Variants in DNMBP observed in about 807,000 individuals in gnomAD.
DNMBP encodes dynamin binding protein.
DNMBP carries 87 observed loss-of-function variants against 150.0 expected under a neutral mutation model. The observed-to-expected ratio is 0.58, with a 90% CI of 0.49 to 0.69. DNMBP has a LOEUF of 0.69. Ranked by LOEUF, DNMBP falls within the 30% of genes least tolerant of loss-of-function variation. The probability of loss-of-function intolerance (pLI) is 0.00; values close to 1 mark genes in which losing one functional copy is unlikely to be tolerated. For missense variants in DNMBP, 1,774 were observed against 1,949.0 expected (o/e 0.91, Z 1.69); for synonymous variants, 711 against 750.4 (o/e 0.95, Z 0.86).
chr10:99,972,721 C>A lies in DNMBP; in HGVS notation c.-10-587G>T, dbSNP rs551317966. ...CAGCTCCTGGGCTCAAGTGATCCTC[C>A]TACCTCAGCTTTCTGAGTAGCTGGA... On this transcript the variant is annotated intron_variant, in intron 1 of 16. Coordinates refer to ENST00000324109, the MANE Select transcript of DNMBP (RefSeq NM_015221.4). 1.9e-4 allele frequency among the ~76,000 whole-genome samples: 29 copies of A among 152,336 alleles called. No individual in the cohort carries two copies. The South Asian group carries it at 5.8e-3, about 30-fold the overall frequency.
intron 4 of DNMBP, chr10:99,930,862 G>T: frequency 1.7e-6 from 1 of 580,948 alleles, no homozygotes; most frequent in Non-Finnish European, 3.0e-6. Context: ...GATTTGTCCT[G>T]CTTAAAATGT....
At chr10:100,002,822 C>T (rs576422625) in intron 1 of DNMBP, among the ~76,000 whole-genome samples, 1 of 152,012 alleles carries the variant, frequency 6.6e-6, no homozygotes, top group Non-Finnish European at 1.5e-5. Flanking sequence ...AGGCTTAATA[C>T]CTATTTATGA....
At chr10:99,935,067 A>G (rs1238432801) in intron 4 of DNMBP, among the ~76,000 whole-genome samples, 3 of 107,270 alleles carry the variant, frequency 2.8e-5, no homozygotes, top group African/African-American at 1.1e-4. Flanking sequence ...CCTTGGTGAT[A>G]GGGTGAGACC....
intron 6 of DNMBP, among the ~76,000 whole-genome samples, chr10:99,902,684 T>A (rs2039763030): frequency 6.6e-6 from 1 of 150,652 alleles, no homozygotes; most frequent in Admixed American, 6.6e-5. Flanking sequence ...TCCCAGCAAT[T>A]TGGGAGGCCA....
At chr10:99,926,792 G>A (rs1180494328) in intron 4 of DNMBP, among the ~76,000 whole-genome samples, 1 of 152,150 alleles carries the variant, frequency 6.6e-6, no homozygotes, top group Non-Finnish European at 1.5e-5. Flanking sequence ...GTGGAAAGCT[G>A]GAGGCCAGAA....
intron 3 of DNMBP, among the ~76,000 whole-genome samples, chr10:99,965,201 T>C (rs1441442721): frequency 6.6e-6 from 1 of 152,040 alleles, no homozygotes; most frequent in Non-Finnish European, 1.5e-5. Flanking sequence ...CACCCTGAGG[T>C]AGGTATTATA....
intron 4 of DNMBP, among the ~76,000 whole-genome samples, chr10:99,912,626 G>A (rs1055913018): frequency 3.9e-5 from 6 of 152,156 alleles, no homozygotes; most frequent in Admixed American, 3.9e-4. Flanking sequence ...TTCAGATTCA[G>A]CAAACCTGGG....
chr10:99,976,051 C>G (rs1311738073), intron 1 of DNMBP, among the ~76,000 whole-genome samples: 1 of 152,116 alleles, frequency 6.6e-6, no homozygotes, highest in Non-Finnish European at 1.5e-5. Flanking sequence ...AATGGGAACC[C>G]AAATCTGTCT....
chr10:99,922,512 T>G lies in DNMBP; in HGVS notation c.2261-13366A>C, dbSNP rs12251647. Among the ~76,000 whole-genome samples the G allele has an allele frequency of 5.4e-3, 542 of 100,350 alleles. 6 individuals are homozygous for G. Among genetic ancestry groups the G allele is most frequent in the African/African-American group, 0.02 (498 of 24,966 alleles). 65.8% of individuals were successfully genotyped at this position (100,350 alleles called of 152,430 possible). ...AACCTAGCTGCTGCTGTTTTTTTTT[T>G]TTTTTTTTTTTTCTTAAAAAAAAAA... On this transcript the variant is annotated intron_variant, in intron 4 of 16. Transcript: ENST00000324109.
At chr10:99,943,380 TTTTG>T (rs150436660) in intron 4 of DNMBP, among the ~76,000 whole-genome samples, 69,041 of 150,972 alleles carry the variant, frequency 0.46, 16,526 homozygotes, top group African/African-American at 0.6. Context: ...GTGTGTGGTT[TTTTG>T]TTTGTTTGTT....
chr10:99,892,876 C>T (rs1406682945), intron 11 of DNMBP, among the ~76,000 whole-genome samples: 2 of 152,132 alleles, frequency 1.3e-5, no homozygotes, highest in Non-Finnish European at 2.9e-5. Context: ...AACTCTTAAG[C>T]GGAGAAAACA....
At chr10:100,008,822 C>T (rs1390805925) in intron 1 of DNMBP, among the ~76,000 whole-genome samples, 1 of 152,140 alleles carries the variant, frequency 6.6e-6, no homozygotes. Flanking sequence ...GAAATGATCC[C>T]CGAATGCTGT....
rs1341019017 is a variant in DNMBP at position 99,894,978 on chromosome 10, G to A, written c.3124C>T (p.Arg1042Ter). ...TGCTGGAGGTAGAGAGACAGGTCTC[G>A]GATAAAAGACTTAATCAATCTTTCT... ...MQERLIKSFI[R>*]DLSLYLQHIR... The change falls in exon 11 of 17, where the codon CGA becomes TGA. Residue 1042 changes from arginine (R) to a stop codon, truncating the protein, a stop_gained. Coordinates refer to ENST00000324109, the MANE Select transcript of DNMBP (RefSeq NM_015221.4). LOFTEE classifies it high-confidence loss of function. 6.2e-6 allele frequency: 10 copies of A among 1,613,790 alleles called. No individual in the cohort carries two copies. The highest frequency in any genetic ancestry group is 1.6e-4 in the Middle Eastern group (1 of 6,084).
chr10:99,920,040 G>A (rs1388847607), intron 4 of DNMBP, among the ~76,000 whole-genome samples: 2 of 151,832 alleles, frequency 1.3e-5, no homozygotes, highest in Non-Finnish European at 2.9e-5. Context: ...ATTTAAAAGG[G>A]TGAACCTAAT....
chr10:99,894,910 G>A (rs764679886), intron 11 of DNMBP, 36 bp downstream of exon 11: 14 of 1,452,344 alleles, frequency 9.6e-6, no homozygotes, highest in Middle Eastern at 1.7e-4. Flanking sequence ...GAATTACATC[G>A]TATGTTAATC....
Position 99,955,612 on chromosome 10 carries a change from G to A in DNMBP, c.1862C>T (p.Thr621Ile), listed in dbSNP as rs1262621739. 6.2e-7 allele frequency: 1 copy of A among 1,614,140 alleles called. No homozygotes were observed. Among genetic ancestry groups the A allele is most frequent in the Admixed American group, 1.7e-5 (1 of 60,020 alleles). ...PPPRPCTPVS[T>I]SPHLLVDQNL... ...CTGGTCAACCAGCAAATGGGGAGAAGTGGATACCGGAGTACAGGGACGAGG... is the reference window on the plus strand; with the variant it reads ...CTGGTCAACCAGCAAATGGGGAGAAATGGATACCGGAGTACAGGGACGAGG... The change falls in exon 4 of 17, where the codon ACT (threonine) becomes ATT (isoleucine). Residue 621 changes from threonine to isoleucine, a missense_variant. Around this residue, in one of 2 missense-constraint regions of DNMBP, gnomAD observed 1,430 missense variants for 1,492.5 expected, o/e 0.96. Coordinates refer to ENST00000324109, the MANE Select transcript of DNMBP (RefSeq NM_015221.4).
At chr10:99,966,782 C>T (rs887157232) in intron 3 of DNMBP, among the ~76,000 whole-genome samples, 4 of 151,776 alleles carry the variant, frequency 2.6e-5, no homozygotes, top group Admixed American at 6.6e-5. Context: ...CTCGTTAATA[C>T]GTTTTGTTTT....
Position 99,880,304 on chromosome 10 carries a change from T to G in DNMBP, c.4055A>C (p.His1352Pro), listed in dbSNP as rs1197233331. 1.2e-6 allele frequency: 2 copies of G among 1,612,644 alleles called. No homozygotes were observed. The highest frequency in any genetic ancestry group is 3.3e-4 in the Middle Eastern group (2 of 6,050). Residue 1352 changes from histidine to proline, a missense_variant, in exon 16 of 17, where the codon CAC (histidine) becomes CCC (proline). By Grantham distance (77) the His-to-Pro change is moderately conservative (BLOSUM62 -2). Transcript: ENST00000324109. The stretch of plus-strand genomic sequence containing the variant: ...GTGGCTACCCACGGAGGCATCGGAG[T>G]GGCTGCGGCGAGGATTGTAGGGCTT... ...FLKPYNPRRS[H>P]SDASVGSHSS...
At chr10:99,985,572 C>G (rs2133370712) in intron 1 of DNMBP, among the ~76,000 whole-genome samples, 1 of 152,190 alleles carries the variant, frequency 6.6e-6, no homozygotes, top group South Asian at 2.1e-4. Flanking sequence ...CACGAGCATC[C>G]TTATGTCTTG....
Sources: allele counts gnomAD v4.1 joint callset (sites outside exome capture counted in the v4.1 genomes callset), GRCh38; gene constraint gnomAD v4.1.1; regional missense constraint gnomAD v4.1.1; transcripts MANE v1.5; gene names NCBI Gene and HGNC (gene_info 2026-07-23, HGNC 2026-07-21).